The following NECTIN2 variants were observed in gnomAD, a reference collection of about 807,000 sequenced individuals.
NECTIN2 encodes nectin-2.
NECTIN2 carries 23 observed loss-of-function variants against 56.9 expected under a neutral mutation model. The ratio of observed to expected loss-of-function variants is 0.40; its 90% CI spans 0.29 to 0.57. The LOEUF is 0.57. NECTIN2 is among the 20% of genes least tolerant of loss of function. NECTIN2 has a pLI of 0.38. For synonymous variants in NECTIN2, 302 were observed against 313.8 expected (o/e 0.96, Z 0.40); for missense variants, 587 against 718.3 (o/e 0.82, Z 2.09).
chr19:44,857,515 C>T (rs1252992395), intron 1 of NECTIN2, among the ~76,000 whole-genome samples: 1 of 144,954 alleles, frequency 6.9e-6, no homozygotes, highest in East Asian at 2.6e-4. Flanking sequence ...AATCCTCCTG[C>T]CTCAGCCCCC....
At chr19:44,880,823 AGTGCAATG>A (rs953298726) in intron 5 of NECTIN2, among the ~76,000 whole-genome samples, 24 of 144,924 alleles carry the variant, frequency 1.7e-4, no homozygotes, top group Admixed American at 9.1e-4. Flanking sequence ...TCCAGGCTGG[AGTGCAATG>A]GCGCGATCTT....
At chr19:44,887,159 G>A (rs914203580) in intron 8 of NECTIN2, among the ~76,000 whole-genome samples, 1 of 151,876 alleles carries the variant, frequency 6.6e-6, no homozygotes, top group Admixed American at 6.6e-5. Flanking sequence ...AGACCACCCT[G>A]GCTAACAAGG....
At chr19:44,857,046 C>T (rs918230153) in intron 1 of NECTIN2, among the ~76,000 whole-genome samples, 1 of 152,140 alleles carries the variant, frequency 6.6e-6, no homozygotes, top group Non-Finnish European at 1.5e-5. Context: ...CCCCATTTTA[C>T]AGATGGAGGA....
At chr19:44,864,999 AT>A (rs1432869166) in intron 1 of NECTIN2, among the ~76,000 whole-genome samples, 1 of 152,222 alleles carries the variant, frequency 6.6e-6, no homozygotes, top group Non-Finnish European at 1.5e-5. Context: ...CCACAATTTA[AT>A]TATCACACCT....
intron 5 of NECTIN2, among the ~76,000 whole-genome samples, chr19:44,879,294 G>A (rs1327842405): frequency 6.6e-6 from 1 of 152,024 alleles, no homozygotes; most frequent in Non-Finnish European, 1.5e-5. Context: ...GGGCCCTCGG[G>A]TGGAGGTGGG....
At chr19:44,862,734 G>T (rs1969047854) in intron 1 of NECTIN2, among the ~76,000 whole-genome samples, 1 of 152,188 alleles carries the variant, frequency 6.6e-6, no homozygotes, top group Non-Finnish European at 1.5e-5. Context: ...ACTGTTGGAG[G>T]CTGGGCACAG....
At chr19:44,876,688 G>A (rs1309625650) in intron 5 of NECTIN2, among the ~76,000 whole-genome samples, 2 of 152,122 alleles carry the variant, frequency 1.3e-5, no homozygotes, top group Non-Finnish European at 2.9e-5. Flanking sequence ...ACAGCAGCAC[G>A]AACATAGGAT....
rs373350613 is a variant in NECTIN2 at position 44,877,824 on chromosome 19, C to T, written c.1042+3346C>T. Among the ~76,000 whole-genome samples, 30 of 152,370 alleles carry T rather than the reference C, an allele frequency of 2.0e-4. No homozygotes were observed. In the East Asian group the frequency reaches 3.9e-3, roughly 20 times the overall value. On this transcript the variant is annotated intron_variant, in intron 5 of 8. Coordinates refer to ENST00000252483, the MANE Select transcript of NECTIN2 (RefSeq NM_001042724.2). ...CAAATAGCCAGCTTCCACTCGGCTACGGCGATCGCCAGACATGGGAGTTTG... is the reference window on the plus strand; with the variant it reads ...CAAATAGCCAGCTTCCACTCGGCTATGGCGATCGCCAGACATGGGAGTTTG...
At position 44,857,710 on chromosome 19, in the gene NECTIN2, TG is replaced by T. The variant is rs67203978; in HGVS notation, c.89-7560del. 3.9e-3 allele frequency among the ~76,000 whole-genome samples: 566 copies of T among 146,342 alleles called. 7 individuals are homozygous for T. Among genetic ancestry groups the T allele is most frequent in the Admixed American group, 6.8e-3 (101 of 14,790 alleles). On this transcript the variant is annotated intron_variant, in intron 1 of 8. Coordinates refer to ENST00000252483, the MANE Select transcript of NECTIN2 (RefSeq NM_001042724.2). ...AGCCATCGTGCCGGGTTTTTGTTTT[TG>T]TTTTTTTTTTTTTAAGAGATGAAGT... is the stretch of plus-strand genomic sequence containing the variant.
At chr19:44,869,436 C>A (rs1030521757) in intron 2 of NECTIN2, among the ~76,000 whole-genome samples, 2 of 151,238 alleles carry the variant, frequency 1.3e-5, no homozygotes, top group Non-Finnish European at 3.0e-5. Context: ...ACTAAAAATA[C>A]AAAAAAATTA....
intron 5 of NECTIN2, chr19:44,878,627 CACAG>C: frequency 3.2e-6 from 5 of 1,583,930 alleles, no homozygotes; most frequent in African/African-American, 1.3e-5. Flanking sequence ...GTGACCTGGA[CACAG>C]ACAGAGACAG....
intron 1 of NECTIN2, among the ~76,000 whole-genome samples, chr19:44,849,723 C>G (rs1016841922): frequency 2.0e-5 from 3 of 152,026 alleles, no homozygotes; most frequent in African/African-American, 7.2e-5. Context: ...AGAAGAGAAC[C>G]CCAGGAATCA....
Position 44,865,628 on chromosome 19 carries a change from C to A in NECTIN2, c.446C>A (p.Ser149Tyr). Residue 149 changes from serine (S) to tyrosine (Y), a missense_variant, in exon 2 of 9, where the codon TCC (serine) becomes TAC (tyrosine). Transcript: ENST00000252483. The surrounding 1 kb of genome is among the most constrained non-coding windows in gnomAD (Gnocchi z 5.2). ...GAGTTTGCCACCTTCCCCAAGGGGT[C>A]CGTCCGAGGGATGACCTGGCTCAGA... is the stretch of plus-strand genomic sequence containing the variant. ...TCEFATFPKG[S>Y]VRGMTWLRVI... 6.5e-7 allele frequency: 1 copy of A among 1,536,502 alleles called. No individual in the cohort carries two copies. The highest frequency in any genetic ancestry group is 8.7e-7 in the Non-Finnish European group (1 of 1,145,580).
rs146573265 is a variant in NECTIN2 at position 44,888,229 on chromosome 19, C to A, written c.1467C>A (p.Asp489Glu). The change falls in exon 9 of 9, where the codon GAC becomes GAA. Residue 489 changes from aspartate (D) to glutamate (E), a missense_variant. Transcript: ENST00000252483. ...CTCCAGGGCCACCTGCTGTGGAAGA[C>A]GTTTCCCTGGATCTAGAGGATGAGG... ...PVPPGPPAVEDVSLDLEDEEG... is the reference protein window; with the variant it reads ...PVPPGPPAVEEVSLDLEDEEG... 1 of 1,614,106 alleles carries A rather than the reference C, an allele frequency of 6.2e-7. No homozygotes were observed. The highest frequency in any genetic ancestry group is 1.7e-5 in the Admixed American group (1 of 60,012).
rs1473317237 is a variant in NECTIN2 at position 44,853,297 on chromosome 19, C to T, written c.88+6684C>T. 3.3e-5 allele frequency among the ~76,000 whole-genome samples: 5 copies of T among 150,794 alleles called. No individual in the cohort carries two copies. In the East Asian group the frequency reaches 5.8e-4, roughly 18 times the overall value. ...CTGCAAGCTCTGCCTCCCAGATTCA[C>T]GCCATTCTCCTGCCTCAGCCTCCCG... On this transcript the variant is annotated intron_variant, in intron 1 of 8. Transcript: ENST00000252483.
chr19:44,853,065 T>A (rs1968919562), intron 1 of NECTIN2, among the ~76,000 whole-genome samples: 1 of 151,036 alleles, frequency 6.6e-6, no homozygotes, highest in Non-Finnish European at 1.5e-5. Context: ...CAAGCTGGGA[T>A]CCTGCACTCC....
intron 2 of NECTIN2, among the ~76,000 whole-genome samples, chr19:44,867,140 T>C (rs1052474779): frequency 4.6e-5 from 7 of 151,998 alleles, no homozygotes; most frequent in African/African-American, 1.7e-4. Flanking sequence ...TGCCTCAGCC[T>C]CCCAAGTAGC....
At chr19:44,884,032 G>C (rs977269453) in intron 6 of NECTIN2, among the ~76,000 whole-genome samples, 4 of 151,870 alleles carry the variant, frequency 2.6e-5, no homozygotes, top group African/African-American at 9.7e-5. Flanking sequence ...AGGTGGGGGT[G>C]GGGGCATGTG....
chr19:44,876,272 C>G (rs1235836406), intron 5 of NECTIN2, among the ~76,000 whole-genome samples: 1 of 151,188 alleles, frequency 6.6e-6, no homozygotes, highest in African/African-American at 2.4e-5. Context: ...CAGACAGACA[C>G]CGAACTGGAA....
Sources: allele counts gnomAD v4.1 joint callset (sites outside exome capture counted in the v4.1 genomes callset), GRCh38; gene constraint gnomAD v4.1.1; non-coding constraint Gnocchi (gnomAD v3.1); transcripts MANE v1.5; gene names NCBI Gene and HGNC (gene_info 2026-07-23, HGNC 2026-07-21).